ZNF385D: variants seen among roughly 807,000 people sequenced by gnomAD.
The protein encoded by ZNF385D is zinc finger protein 659.
ZNF385D carries 15 observed loss-of-function variants against 35.8 expected under a neutral mutation model. The ratio of observed to expected loss-of-function variants is 0.42; its 90% CI spans 0.28 to 0.64. The LOEUF is 0.64. Ranked by LOEUF, ZNF385D falls within the 30% of genes least tolerant of loss-of-function variation. The probability of loss-of-function intolerance (pLI) is 0.23; values close to 1 mark genes in which losing one functional copy is unlikely to be tolerated. For missense variants in ZNF385D, 474 were observed against 494.6 expected, an observed-to-expected ratio of 0.96 and a Z score of 0.39; for synonymous variants, 212 against 186.8, an observed-to-expected ratio of 1.13 and a Z score of -1.10.
At chr3:21,806,265 T>A (rs1878013) in intron 3 of ZNF385D, among the ~76,000 whole-genome samples, 1 of 151,200 alleles carries the variant, frequency 6.6e-6, no homozygotes, top group East Asian at 2.0e-4. Context: ...ACTCTTTTTG[T>A]ATTTGGTACC....
At chr3:21,658,649 A>G (rs991347997) in intron 2 of ZNF385D, among the ~76,000 whole-genome samples, 1 of 151,854 alleles carries the variant, frequency 6.6e-6, no homozygotes, top group African/African-American at 2.4e-5. Context: ...AGTCTTTGCT[A>G]TGTTTCATGT....
At chr3:22,229,694 T>G (rs1431321599) in intron 2 of ZNF385D, among the ~76,000 whole-genome samples, 5 of 152,186 alleles carry the variant, frequency 3.3e-5, no homozygotes, top group African/African-American at 1.2e-4. Flanking sequence ...CTCAGGACCC[T>G]GGCCTGATGG....
chr3:21,792,896 C>G (rs1227187358), intron 3 of ZNF385D, among the ~76,000 whole-genome samples: 1 of 151,954 alleles, frequency 6.6e-6, no homozygotes, highest in African/African-American at 2.4e-5. Flanking sequence ...AATCTCTGAC[C>G]AGTATTCAAA....
At chr3:21,463,449 G>A (rs1049113699) in intron 4 of ZNF385D, among the ~76,000 whole-genome samples, 3 of 152,286 alleles carry the variant, frequency 2.0e-5, no homozygotes, top group Non-Finnish European at 2.9e-5. Context: ...GTGGCACAGC[G>A]AAGCAGTCAC....
intron 3 of ZNF385D, among the ~76,000 whole-genome samples, chr3:22,068,734 A>G (rs1235498066): frequency 1.3e-5 from 2 of 152,174 alleles, no homozygotes; most frequent in Non-Finnish European, 2.9e-5. Context: ...TTAAACCCTG[A>G]TTGAACTCTG....
At chr3:22,328,761 CA>C (rs930692669) in intron 2 of ZNF385D, among the ~76,000 whole-genome samples, 108 of 138,014 alleles carry the variant, frequency 7.8e-4, no homozygotes, top group African/African-American at 1.4e-3. Flanking sequence ...ACTCCATCGC[CA>C]AAAAAAAAAA....
At chr3:22,206,810 C>G (rs1022611298) in intron 2 of ZNF385D, among the ~76,000 whole-genome samples, 7 of 151,748 alleles carry the variant, frequency 4.6e-5, no homozygotes, top group African/African-American at 1.7e-4. Context: ...ATGCCAACAT[C>G]AGAAAAGCAG....
chr3:21,466,390 T>C (rs1346210200), intron 4 of ZNF385D, among the ~76,000 whole-genome samples: 3 of 152,234 alleles, frequency 2.0e-5, no homozygotes, highest in African/African-American at 7.2e-5. Context: ...GTTATGTTAC[T>C]TTGCCTTTAG....
chr3:21,655,822 G>A (rs951411899), intron 2 of ZNF385D, among the ~76,000 whole-genome samples: 3 of 151,832 alleles, frequency 2.0e-5, no homozygotes, highest in Non-Finnish European at 4.4e-5. Flanking sequence ...GTATGATTTG[G>A]GGAAAATAAT....
At chr3:22,272,374 A>C (rs1456926498) in intron 2 of ZNF385D, among the ~76,000 whole-genome samples, 1 of 131,166 alleles carries the variant, frequency 7.6e-6, no homozygotes. Context: ...TTAGAATTCT[A>C]AATTAATTCT....
chr3:21,676,044 G>A (rs1257979669), intron 1 of ZNF385D, among the ~76,000 whole-genome samples: 1 of 151,982 alleles, frequency 6.6e-6, no homozygotes, highest in Non-Finnish European at 1.5e-5. Context: ...AAAGACCATG[G>A]CACAAAATTC....
At position 22,208,959 on chromosome 3, in the gene ZNF385D, A is replaced by T. The variant is rs116696098; in HGVS notation, c.107-39924T>A. On this transcript the variant is annotated intron_variant, in intron 2 of 5. Transcript: ENST00000494108. ...GTTTTGTAATGTTTGTTGCCAGTTT[A>T]TATTTCCACTTGCAGATTCCAAGGT... Among the ~76,000 whole-genome samples, 190 of 151,976 alleles carry T rather than the reference A, an allele frequency of 1.3e-3. 1 individual carries two copies. Among genetic ancestry groups the T allele is most frequent in the African/African-American group, 4.3e-3 (180 of 41,546 alleles).
rs143317249 is a variant in ZNF385D at position 22,019,712 on chromosome 3, C to G, written c.325+149105G>C. Among the ~76,000 whole-genome samples the G allele has an allele frequency of 5.6e-3, 845 of 152,020 alleles. 8 individuals are homozygous for G. Among genetic ancestry groups the G allele is most frequent in the African/African-American group, 0.019 (774 of 41,512 alleles). On this transcript the variant is annotated intron_variant, in intron 3 of 5. Coordinates refer to the ZNF385D transcript ENST00000494108. The stretch of plus-strand genomic sequence containing the variant: ...CTGGTTAACCATTTTGGAGACTCTA[C>G]ATTTATGCTTAGATGTATGCCCTCT...
At chr3:21,824,617 T>C (rs1376082108) in intron 3 of ZNF385D, among the ~76,000 whole-genome samples, 3 of 152,262 alleles carry the variant, frequency 2.0e-5, no homozygotes, top group African/African-American at 7.2e-5. Flanking sequence ...GTTGTATCCA[T>C]AGCCTAGATT....
intron 3 of ZNF385D, among the ~76,000 whole-genome samples, chr3:22,002,804 T>A (rs1408815563): frequency 6.6e-6 from 1 of 152,174 alleles, no homozygotes; most frequent in African/African-American, 2.4e-5. Context: ...TAAAGAAACA[T>A]GATACATTAC....
chr3:21,636,200 C>T lies in ZNF385D; in HGVS notation c.165+28686G>A, dbSNP rs372099144. ...GCAGCGTAGAAGTGTTCCATTTTCA[C>T]CACAACCACACCAACATCAATTATT... On this transcript the variant is annotated intron_variant, in intron 2 of 7. Transcript: ENST00000281523. Among the ~76,000 whole-genome samples, 7 of 151,510 alleles carry T rather than the reference C, an allele frequency of 4.6e-5. No homozygotes were observed. In the South Asian group the frequency reaches 1.5e-3, roughly 32 times the overall value.
chr3:22,093,431 A>T (rs1428320600), intron 3 of ZNF385D, among the ~76,000 whole-genome samples: 2 of 151,756 alleles, frequency 1.3e-5, no homozygotes, highest in Non-Finnish European at 2.9e-5. Flanking sequence ...TACTTAATTT[A>T]AAAAAGTTAA....
At chr3:22,292,686 T>A (rs1403640086) in intron 2 of ZNF385D, among the ~76,000 whole-genome samples, 2 of 152,074 alleles carry the variant, frequency 1.3e-5, no homozygotes, top group Non-Finnish European at 2.9e-5. Flanking sequence ...TGGCATGGAG[T>A]TTTATTTCTG....
chr3:21,559,260 C>T (rs964513444), intron 3 of ZNF385D, among the ~76,000 whole-genome samples: 35 of 152,172 alleles, frequency 2.3e-4, no homozygotes, highest in Admixed American at 3.9e-4. Flanking sequence ...CTCATAGTGT[C>T]GATGGTCTTT....
Sources: allele counts gnomAD v4.1 joint callset (sites outside exome capture counted in the v4.1 genomes callset), GRCh38; gene constraint gnomAD v4.1.1; transcripts MANE v1.5; gene names NCBI Gene and HGNC (gene_info 2026-07-23, HGNC 2026-07-21).